LAMA2: variants seen among roughly 807,000 people sequenced by gnomAD.
LAMA2 encodes the protein laminin subunit alpha 2.
A neutral mutation model predicts 364.8 loss-of-function variants in LAMA2; 269 were observed. The observed-to-expected ratio is 0.74, with a 90% confidence interval of 0.67 to 0.82. The LOEUF (loss-of-function observed/expected upper bound fraction) is 0.82, where lower values mean the gene tolerates loss of function less well. Among genes scored for constraint, LAMA2 ranks in the 40% least tolerant of loss-of-function variants. LAMA2 has a pLI of 0.00. For missense variants in LAMA2, 3,807 were observed against 3,873.2 expected, an observed-to-expected ratio of 0.98 and a Z score of 0.45; for synonymous variants, 1,379 against 1,370.6, an observed-to-expected ratio of 1.01 and a Z score of -0.14.
chr6:129,461,486 G>A (rs1783253764), intron 49 of LAMA2, among the ~76,000 whole-genome samples: 1 of 151,970 alleles, frequency 6.6e-6, no homozygotes, highest in Admixed American at 6.6e-5. Flanking sequence ...AACATGGAAG[G>A]TTGTCTGTAA....
chr6:129,138,773 T>A (rs191354671), intron 4 of LAMA2, among the ~76,000 whole-genome samples: 2 of 152,226 alleles, frequency 1.3e-5, no homozygotes, highest in African/African-American at 4.8e-5. Flanking sequence ...TGACAATTCA[T>A]AAAGATGATA....
chr6:129,336,421 G>A (rs1775960130), intron 29 of LAMA2, among the ~76,000 whole-genome samples: 1 of 152,148 alleles, frequency 6.6e-6, no homozygotes, highest in Non-Finnish European at 1.5e-5. Flanking sequence ...ATCAGACAAT[G>A]TGATACATCA....
At chr6:129,152,209 T>G (rs1304372593) in intron 7 of LAMA2, among the ~76,000 whole-genome samples, 1 of 152,204 alleles carries the variant, frequency 6.6e-6, no homozygotes, top group Non-Finnish European at 1.5e-5. Flanking sequence ...GAAGTATCAA[T>G]TAAAACAATG....
chr6:129,454,091 CTGGTCTCCT>C, intron 46 of LAMA2, 55 bp from the exon 47 acceptor site: 1 of 1,400,552 alleles, frequency 7.1e-7, no homozygotes, highest in African/African-American at 1.4e-5. Flanking sequence ...AAACACTCTG[CTGGTCTCCT>C]CTTTAAAGGT....
chr6:129,289,653 AATT>A (rs1226455432), intron 19 of LAMA2, among the ~76,000 whole-genome samples: 7 of 152,124 alleles, frequency 4.6e-5, no homozygotes, highest in Admixed American at 1.3e-4. Context: ...TATGGTAATT[AATT>A]ATTATTTTAT....
chr6:129,083,881 G>A (rs1774216599), intron 3 of LAMA2, among the ~76,000 whole-genome samples: 1 of 152,126 alleles, frequency 6.6e-6, no homozygotes, highest in Non-Finnish European at 1.5e-5. Flanking sequence ...CATGTATTAT[G>A]TTTTGTAATC....
At chr6:129,210,750 C>A (rs749590322) in intron 12 of LAMA2, among the ~76,000 whole-genome samples, 12 of 152,182 alleles carry the variant, frequency 7.9e-5, no homozygotes, top group Non-Finnish European at 1.6e-4. Context: ...CAAACAAAAT[C>A]CTAATTAGAA....
chr6:129,351,616 C>T (rs1776858273), intron 31 of LAMA2, among the ~76,000 whole-genome samples: 1 of 152,128 alleles, frequency 6.6e-6, no homozygotes, highest in East Asian at 1.9e-4. Flanking sequence ...TTTAAATCAT[C>T]TTTCGACCTG....
intron 4 of LAMA2, among the ~76,000 whole-genome samples, chr6:129,126,865 G>A (rs1777146244): frequency 6.6e-6 from 1 of 152,154 alleles, no homozygotes; most frequent in South Asian, 2.1e-4. Context: ...GAGCTCAGGA[G>A]TTTGAGACCA....
chr6:129,192,744 A>C lies in LAMA2; in HGVS notation c.1673A>C (p.Gln558Pro). Reference sequence around the variant, plus strand: ...GGCCGCATTCGAGTGGCTCCCCAGCAGGACGACTTGGACTCACCTCAGCAG... The same window carrying C: ...GGCCGCATTCGAGTGGCTCCCCAGCCGGACGACTTGGACTCACCTCAGCAG... ...LPGRIRVAPQ[Q>P]DDLDSPQQIS... The change falls in exon 12 of 65, where the codon CAG becomes CCG. Residue 558 changes from glutamine (Q) to proline (P), a missense_variant. This residue lies in a region of LAMA2 where 3,333 missense variants were observed against 3,345.7 expected (regional missense o/e 1.00). Coordinates refer to ENST00000421865, the MANE Select transcript of LAMA2 (RefSeq NM_000426.4). The C allele has an allele frequency of 6.2e-7, 1 of 1,614,216 alleles. No individual in the cohort carries two copies. Among genetic ancestry groups the C allele is most frequent in the South Asian group, 1.1e-5 (1 of 91,080 alleles).
chr6:129,164,304 A>G (rs781729917), intron 8 of LAMA2, among the ~76,000 whole-genome samples: 5 of 152,198 alleles, frequency 3.3e-5, no homozygotes, highest in Non-Finnish European at 7.3e-5. Flanking sequence ...ATTTCACCAC[A>G]CTATTCAAAA....
At chr6:129,385,000 G>C (rs1353382048) in intron 35 of LAMA2, among the ~76,000 whole-genome samples, 1 of 131,862 alleles carries the variant, frequency 7.6e-6, no homozygotes, top group Non-Finnish European at 1.6e-5. Flanking sequence ...AATGTTCATT[G>C]AGATGTAATA....
intron 35 of LAMA2, among the ~76,000 whole-genome samples, chr6:129,388,265 A>AG (rs1218639251): frequency 6.6e-6 from 1 of 151,748 alleles, no homozygotes; most frequent in Non-Finnish European, 1.5e-5. Flanking sequence ...CAAAAAAAAA[A>AG]AAACAAAAAC....
At chr6:128,974,768 T>C (rs1782416767) in intron 1 of LAMA2, among the ~76,000 whole-genome samples, 1 of 152,188 alleles carries the variant, frequency 6.6e-6, no homozygotes, top group Admixed American at 6.5e-5. Flanking sequence ...CAAGCCACTT[T>C]TATGGACTAT....
chr6:128,959,488 C>T (rs1325667946), intron 1 of LAMA2, among the ~76,000 whole-genome samples: 1 of 152,110 alleles, frequency 6.6e-6, no homozygotes, highest in Non-Finnish European at 1.5e-5. Context: ...TCTTCACTCA[C>T]CTTACTCTAT....
chr6:129,116,151 C>T (rs1346836932), intron 4 of LAMA2, among the ~76,000 whole-genome samples: 1 of 152,062 alleles, frequency 6.6e-6, no homozygotes, highest in Non-Finnish European at 1.5e-5. Context: ...TTCTGAGCTT[C>T]TGTAGCACAG....
chr6:129,063,725 C>T (rs1789094468), intron 3 of LAMA2, among the ~76,000 whole-genome samples: 1 of 152,200 alleles, frequency 6.6e-6, no homozygotes, highest in Non-Finnish European at 1.5e-5. Flanking sequence ...TCACACTCCA[C>T]ATATTCTTAA....
chr6:129,236,613 A>G (rs985695019), intron 12 of LAMA2, among the ~76,000 whole-genome samples: 1 of 152,224 alleles, frequency 6.6e-6, no homozygotes, highest in Non-Finnish European at 1.5e-5. Context: ...AAATTAATTT[A>G]AGAATAAATA....
At chr6:129,435,713 G>A (rs776512485) in intron 41 of LAMA2, among the ~76,000 whole-genome samples, 2 of 152,084 alleles carry the variant, frequency 1.3e-5, no homozygotes, top group South Asian at 2.1e-4. Context: ...AGAAGTTTAA[G>A]GTGTCTGCCT....
Sources: gnomAD v4.1 joint callset for allele counts (sites outside exome capture counted in the v4.1 genomes callset) on GRCh38, gnomAD v4.1.1 for gene constraint, gnomAD v4.1.1 regional missense constraint, MANE v1.5 for transcripts, NCBI Gene and HGNC (gene_info 2026-07-23, HGNC 2026-07-21) for gene names.